The following NLGN1 variants were observed in gnomAD, a reference collection of about 807,000 sequenced individuals.
The protein encoded by NLGN1 is neuroligin 1.
NLGN1 carries 12 observed loss-of-function variants against 65.5 expected under a neutral mutation model. That is an observed-to-expected ratio of 0.18 (90% CI 0.12 to 0.30). NLGN1 has a LOEUF of 0.30. Among genes scored for constraint, NLGN1 ranks in the 10% least tolerant of loss-of-function variants. The probability of loss-of-function intolerance (pLI) is 1.00; values close to 1 mark genes in which losing one functional copy is unlikely to be tolerated. For synonymous variants in NLGN1, 350 were observed against 359.5 expected, an observed-to-expected ratio of 0.97 and a Z score of 0.30; for missense variants, 750 against 1,007.1, an observed-to-expected ratio of 0.74 and a Z score of 3.46.
chr3:174,057,718 G>A (rs1736479062), intron 4 of NLGN1: 1 of 151,828 alleles, frequency 6.6e-6, no homozygotes, highest in Non-Finnish European at 1.5e-5. Context: ...TGGTAGGTGG[G>A]GTCTCCTTTC....
intron 3 of NLGN1, among the ~76,000 whole-genome samples, chr3:173,607,240 A>T (rs960658131): frequency 1.3e-5 from 2 of 151,908 alleles, no homozygotes; most frequent in Non-Finnish European, 2.9e-5. Context: ...AGAGATGTGT[A>T]GGCAATGCTA....
chr3:173,870,104 C>G (rs1226120060), intron 4 of NLGN1, among the ~76,000 whole-genome samples: 2 of 152,052 alleles, frequency 1.3e-5, no homozygotes, highest in Non-Finnish European at 2.9e-5. Context: ...AGAAAGCCTT[C>G]CTAGGTTTTA....
At chr3:173,492,718 T>C (rs1729384792) in intron 2 of NLGN1, among the ~76,000 whole-genome samples, 2 of 151,976 alleles carry the variant, frequency 1.3e-5, no homozygotes, top group South Asian at 4.1e-4. Flanking sequence ...AACAATAGTT[T>C]ACTGTATCAG....
chr3:174,108,569 A>G (rs1714497950), intron 4 of NLGN1, among the ~76,000 whole-genome samples: 1 of 152,154 alleles, frequency 6.6e-6, no homozygotes, highest in Admixed American at 6.6e-5. Context: ...AAGAGACCTC[A>G]GTATAGAACT....
intron 2 of NLGN1, among the ~76,000 whole-genome samples, chr3:173,435,560 T>C (rs1256498474): frequency 6.6e-6 from 1 of 152,208 alleles, no homozygotes; most frequent in Admixed American, 6.5e-5. Flanking sequence ...GTAGGCTGGG[T>C]GCGGTGGCAC....
At chr3:173,919,768 A>C (rs1296931307) in intron 4 of NLGN1, among the ~76,000 whole-genome samples, 1 of 151,030 alleles carries the variant, frequency 6.6e-6, no homozygotes, top group Non-Finnish European at 1.5e-5. Context: ...AAAAATGAAA[A>C]ACATGCAAAC....
intron 3 of NLGN1, among the ~76,000 whole-genome samples, chr3:173,790,411 C>T (rs999998148): frequency 6.6e-6 from 1 of 152,114 alleles, no homozygotes; most frequent in African/African-American, 2.4e-5. Flanking sequence ...TTCTCAACCA[C>T]CCACAATTCA....
At chr3:173,707,176 G>C (rs1479056735) in intron 3 of NLGN1, among the ~76,000 whole-genome samples, 1 of 152,160 alleles carries the variant, frequency 6.6e-6, no homozygotes, top group East Asian at 1.9e-4. Flanking sequence ...TTCATGATTT[G>C]CCAATATATG....
At chr3:174,055,194 T>C (rs1735799014) in intron 4 of NLGN1, among the ~76,000 whole-genome samples, 1 of 150,080 alleles carries the variant, frequency 6.7e-6, no homozygotes, top group East Asian at 2.0e-4. Flanking sequence ...AAATGACCTG[T>C]GGTCATCATT....
At chr3:173,850,528 T>C (rs953558826) in intron 4 of NLGN1, among the ~76,000 whole-genome samples, 1 of 152,150 alleles carries the variant, frequency 6.6e-6, no homozygotes, top group Non-Finnish European at 1.5e-5. Flanking sequence ...GGTAGTATTT[T>C]ATTTTTACTC....
intron 3 of NLGN1, among the ~76,000 whole-genome samples, chr3:173,744,841 G>A (rs112356894): frequency 3.2e-5 from 4 of 124,922 alleles, no homozygotes; most frequent in African/African-American, 1.2e-4. Context: ...TTTTTTTTTT[G>A]ACATCTTTGT....
At chr3:173,809,307 A>G (rs943802866) in intron 4 of NLGN1, among the ~76,000 whole-genome samples, 2 of 152,204 alleles carry the variant, frequency 1.3e-5, no homozygotes, top group African/African-American at 4.8e-5. Context: ...GAATTCTTAA[A>G]TCTTAATGTT....
chr3:173,746,939 G>A (rs1775477410), intron 3 of NLGN1, among the ~76,000 whole-genome samples: 1 of 151,516 alleles, frequency 6.6e-6, no homozygotes, highest in Non-Finnish European at 1.5e-5. Flanking sequence ...TGCATCTGTA[G>A]TCCCAGCTAC....
chr3:173,588,318 CCCA>C, intron 2 of NLGN1, among the ~76,000 whole-genome samples: 1 of 152,096 alleles, frequency 6.6e-6, no homozygotes, highest in Admixed American at 6.5e-5. Context: ...TTAATAGTAA[CCCA>C]TTTGCTGGTC....
intron 3 of NLGN1, among the ~76,000 whole-genome samples, chr3:173,788,163 T>C (rs1393609180): frequency 6.7e-6 from 1 of 149,020 alleles, no homozygotes; most frequent in East Asian, 2.0e-4. Context: ...TTAAATTTTC[T>C]GTATTTTTTT....
intron 3 of NLGN1, among the ~76,000 whole-genome samples, chr3:173,683,599 C>T (rs1764274007): frequency 1.3e-5 from 2 of 152,076 alleles, no homozygotes; most frequent in Non-Finnish European, 2.9e-5. Flanking sequence ...TAATCAAAAA[C>T]ATCTAATTAC....
At chr3:173,493,230 T>G (rs495244) in intron 2 of NLGN1, among the ~76,000 whole-genome samples, 15,707 of 151,802 alleles carry the variant, frequency 0.1, 986 homozygotes, top group Admixed American at 0.18. Context: ...TGAGCCGCTT[T>G]TCTGAGAATT....
chr3:173,711,937 C>G (rs1374793295), intron 3 of NLGN1, among the ~76,000 whole-genome samples: 2 of 152,118 alleles, frequency 1.3e-5, no homozygotes, highest in Non-Finnish European at 2.9e-5. Context: ...CAAGGCTGAT[C>G]ACTAAGTGGG....
chr3:174,042,187 T>G (rs1159039477), intron 4 of NLGN1, among the ~76,000 whole-genome samples: 1 of 152,258 alleles, frequency 6.6e-6, no homozygotes, highest in Non-Finnish European at 1.5e-5. Flanking sequence ...CCTATTCATT[T>G]TCTCAATGGT....
Sources: allele counts gnomAD v4.1 joint callset (sites outside exome capture counted in the v4.1 genomes callset), GRCh38; gene constraint gnomAD v4.1.1; transcripts MANE v1.5; gene names NCBI Gene and HGNC (gene_info 2026-07-23, HGNC 2026-07-21).